FAT1: variants seen among roughly 807,000 people sequenced by gnomAD.
FAT1 encodes the protein protocadherin Fat 1.
A neutral mutation model predicts 329.8 loss-of-function variants in FAT1; 171 were observed. That is an observed-to-expected ratio of 0.52 (90% CI 0.46 to 0.59). The LOEUF (loss-of-function observed/expected upper bound fraction) is 0.59, where lower values mean the gene tolerates loss of function less well. Ranked by LOEUF, FAT1 falls within the 20% of genes least tolerant of loss-of-function variation. FAT1 has a pLI of 0.00. For missense variants in FAT1, 5,672 were observed against 5,774.4 expected (o/e 0.98, Z 0.57); for synonymous variants, 2,233 against 2,228.6 (o/e 1.00, Z -0.06).
At chr4:186,604,612 G>T (rs2126440624) in intron 17 of FAT1, 38 bp from the exon 18 acceptor site, 5 of 1,430,606 alleles carry the variant, frequency 3.5e-6, no homozygotes, top group Non-Finnish European at 4.8e-6. Flanking sequence ...CAAAAATCCT[G>T]GAACACAGCC....
intron 3 of FAT1, among the ~76,000 whole-genome samples, chr4:186,645,478 G>A (rs1741328214): frequency 1.5e-5 from 2 of 135,028 alleles, no homozygotes; most frequent in South Asian, 4.8e-4. Context: ...CTTCACATAT[G>A]ATGTGTAAAT....
chr4:186,678,109 A>C lies in FAT1; in HGVS notation c.3266-14496T>G, dbSNP rs541024391. On this transcript the variant is annotated intron_variant, in intron 2 of 26. Coordinates refer to ENST00000441802, the MANE Select transcript of FAT1 (RefSeq NM_005245.4). ...CTTCTTTAATACTAACCATTAATAAAATAAAGTGATAACAGAAGATGTAGA... is the reference window on the plus strand; with the variant it reads ...CTTCTTTAATACTAACCATTAATAACATAAAGTGATAACAGAAGATGTAGA... Among the ~76,000 whole-genome samples the C allele has an allele frequency of 2.5e-4, 38 of 152,308 alleles. 1 individual carries two copies. Among genetic ancestry groups the C allele is most frequent in the Admixed American group, 1.0e-3 (16 of 15,296 alleles).
In FAT1 at chr4:186,620,017, T is replaced by C; in HGVS notation, c.6569A>G (p.Glu2190Gly). 1 of 1,614,060 alleles carries C rather than the reference T, an allele frequency of 6.2e-7. No individual in the cohort carries two copies. The highest frequency in any genetic ancestry group is 8.5e-7 in the Non-Finnish European group (1 of 1,179,908). The change falls in exon 10 of 27, where the codon GAG (glutamate) becomes GGG (glycine). Residue 2190 changes from glutamate (E) to glycine (G), a missense_variant. Glu to Gly is a moderately conservative substitution (Grantham distance 98). Transcript: ENST00000441802. ...PVFEKPFYSA[E>G]IAESIQVHSP... ...GTGCACCTGGATGCTCTCTGCAATC[T>C]CTGCACTGTAGAAAGGTTTTTCAAA...
At chr4:186,705,932 GT>G (rs772224780) in intron 2 of FAT1, among the ~76,000 whole-genome samples, 1 of 152,186 alleles carries the variant, frequency 6.6e-6, no homozygotes, top group Non-Finnish European at 1.5e-5. Context: ...GAAAAAGTTA[GT>G]TCTAAGAAGT....
At chr4:186,661,634 T>C (rs1304802728) in intron 3 of FAT1, among the ~76,000 whole-genome samples, 1 of 152,186 alleles carries the variant, frequency 6.6e-6, no homozygotes, top group South Asian at 2.1e-4. Flanking sequence ...TATCTCTTCA[T>C]CTGGCTGTTT....
At position 186,609,212 on chromosome 4, in the gene FAT1, T is replaced by C. The variant is rs1739277968; in HGVS notation, c.10177A>G (p.Lys3393Glu). 2 of 1,613,662 alleles carry C rather than the reference T, an allele frequency of 1.2e-6. No homozygotes were observed. Among genetic ancestry groups the C allele is most frequent in the Non-Finnish European group, 1.7e-6 (2 of 1,179,832 alleles). The stretch of plus-strand genomic sequence containing the variant: ...TCTCGGTCGAGAAGTTTGGTCACTT[T>C]GACTTCTCCCCTGACGGGGTCAATT... ...FTIDPVRGEVKVTKLLDRETI... is the reference protein window; with the variant it reads ...FTIDPVRGEVEVTKLLDRETI... The change falls in exon 16 of 27, where the codon AAA becomes GAA. Residue 3393 changes from lysine (K) to glutamate (E), a missense_variant. By Grantham distance (56) the Lys-to-Glu change is moderately conservative. Around this residue, in one of 2 missense-constraint regions of FAT1, gnomAD observed 1,706 missense variants for 1,859.1 expected, o/e 0.92. Transcript: ENST00000441802.
At chr4:186,680,479 C>A (rs1454281326) in intron 2 of FAT1, among the ~76,000 whole-genome samples, 1 of 152,170 alleles carries the variant, frequency 6.6e-6, no homozygotes, top group African/African-American at 2.4e-5. Flanking sequence ...AGGCACCACT[C>A]CTCCCCTGCC....
At chr4:186,590,421 G>GA (rs764748888) in intron 26 of FAT1, 158 of 1,285,618 alleles carry the variant, frequency 1.2e-4, no homozygotes, top group East Asian at 1.0e-3. Flanking sequence ...TGGCAGAGTA[G>GA]AAAAAAAAGA....
Position 186,708,245 on chromosome 4 carries a change from T to C in FAT1, c.1583A>G (p.Glu528Gly), listed in dbSNP as rs2126694951. 3 of 1,614,016 alleles carry C rather than the reference T, an allele frequency of 1.9e-6. No individual in the cohort carries two copies. The highest frequency in any genetic ancestry group is 2.5e-6 in the Non-Finnish European group (3 of 1,179,892). ...AVSTSENLDY[E>G]LMPRVYTLRI... The stretch of plus-strand genomic sequence containing the variant: ...CAGAGTATAAACCCGAGGCATCAGT[T>C]CGTAGTCCAGGTTTTCTGACGTACT... Residue 528 changes from glutamate to glycine, a missense_variant, in exon 2 of 27, where the codon GAA (glutamate) becomes GGA (glycine). Glu to Gly is a moderately conservative substitution (Grantham distance 98). This residue lies in a region of FAT1 where 3,966 missense variants were observed against 3,915.2 expected (regional missense o/e 1.01). Transcript: ENST00000441802.
In FAT1 at chr4:186,636,041, A is replaced by C. The variant is rs756450231; in HGVS notation, c.4167T>G (p.Leu1389=). The change falls in exon 6 of 27, where the codon CTT becomes CTG. Residue 1389 remains leucine (L), a synonymous_variant. Coordinates refer to ENST00000441802, the MANE Select transcript of FAT1 (RefSeq NM_005245.4). ...AATGCTTACCAGTGATGTCAAACCAAAGGGGTATGCCAGGAGGCTCCACAG... is the reference window on the plus strand; with the variant it reads ...AATGCTTACCAGTGATGTCAAACCACAGGGGTATGCCAGGAGGCTCCACAG... The part of the protein sequence containing the change: ...VISVEPPGIP[L]WFDITGGNYD... 1.9e-6 allele frequency: 3 copies of C among 1,613,978 alleles called. No homozygotes were observed. The South Asian group carries it at 3.3e-5, about 18-fold the overall frequency.
chr4:186,634,722 T>C (rs1392919876), intron 6 of FAT1, among the ~76,000 whole-genome samples: 1 of 152,236 alleles, frequency 6.6e-6, no homozygotes, highest in African/African-American at 2.4e-5. Context: ...AATTATGTGA[T>C]CTCAGCAGAT....
intron 3 of FAT1, among the ~76,000 whole-genome samples, chr4:186,647,711 T>C (rs947163423): frequency 1.1e-4 from 16 of 152,198 alleles, no homozygotes; most frequent in African/African-American, 3.9e-4. Flanking sequence ...ATGATGTCTC[T>C]GAAACACTTT....
chr4:186,669,369 C>T (rs889783920), intron 2 of FAT1, among the ~76,000 whole-genome samples: 68 of 152,172 alleles, frequency 4.5e-4, no homozygotes, highest in African/African-American at 1.6e-3. Flanking sequence ...GATGCTGCTG[C>T]GTGATGCTAT....
At chr4:186,645,925 TAC>T (rs1433995606) in intron 3 of FAT1, among the ~76,000 whole-genome samples, 2 of 124,226 alleles carry the variant, frequency 1.6e-5, no homozygotes, top group Non-Finnish European at 3.2e-5. Context: ...GAGCTTAGGT[TAC>T]AGAGTGAGAC....
At chr4:186,668,071 G>C (rs1579418743) in intron 2 of FAT1, among the ~76,000 whole-genome samples, 1 of 152,142 alleles carries the variant, frequency 6.6e-6, no homozygotes, top group Non-Finnish European at 1.5e-5. Context: ...GACGATCTGA[G>C]GATTCCGCTC....
At chr4:186,692,036 A>G (rs1256545466) in intron 2 of FAT1, among the ~76,000 whole-genome samples, 1 of 152,020 alleles carries the variant, frequency 6.6e-6, no homozygotes, top group Non-Finnish European at 1.5e-5. Flanking sequence ...ATCTCTGTTA[A>G]AGAAGGCCAC....
intron 4 of FAT1, 139 bp from the exon 5 acceptor site, chr4:186,637,053 C>T (rs1740860872): frequency 2.6e-6 from 2 of 763,222 alleles, no homozygotes; most frequent in Non-Finnish European, 2.1e-6. Context: ...AGCAGATCTT[C>T]ATTCCAACAA....
At chr4:186,706,531 G>A (rs2126681602) in intron 2 of FAT1, 32 bp downstream of exon 2, 2 of 1,537,916 alleles carry the variant, frequency 1.3e-6, no homozygotes, top group Non-Finnish European at 8.7e-7. Context: ...ATGGAAAAGG[G>A]CATCAAATGA....
chr4:186,617,198 C>T lies in FAT1; in HGVS notation c.8882G>A (p.Gly2961Glu). ...NRQVTYFITG[G>E]DPLGQFAVET... ...AACGGCAAACTGTCCTAAAGGATCCCCTCCTATTAAATCAATGGAGGAAGA... is the reference window on the plus strand; with the variant it reads ...AACGGCAAACTGTCCTAAAGGATCCTCTCCTATTAAATCAATGGAGGAAGA... Residue 2961 changes from glycine to glutamate, a missense_variant, in exon 11 of 27, where the codon GGG (glycine) becomes GAG (glutamate). This residue lies in a region of FAT1 where 3,966 missense variants were observed against 3,915.2 expected (regional missense o/e 1.01). Transcript: ENST00000441802. The T allele has an allele frequency of 6.4e-7, 1 of 1,570,972 alleles. No homozygotes were observed. The highest frequency in any genetic ancestry group is 8.6e-7 in the Non-Finnish European group (1 of 1,159,488).
Sources: gnomAD v4.1 joint callset for allele counts (sites outside exome capture counted in the v4.1 genomes callset) on GRCh38, gnomAD v4.1.1 for gene constraint, gnomAD v4.1.1 regional missense constraint, MANE v1.5 for transcripts, NCBI Gene and HGNC (gene_info 2026-07-23, HGNC 2026-07-21) for gene names.